The following ARID2 variants were observed in gnomAD, a reference collection of about 807,000 sequenced individuals.
The protein encoded by ARID2 is AT-rich interactive domain-containing protein 2.
A neutral mutation model predicts 184.6 loss-of-function variants in ARID2; 32 were observed. That is an observed-to-expected ratio of 0.17 (90% CI 0.13 to 0.23). The LOEUF (loss-of-function observed/expected upper bound fraction) is 0.23. ARID2 is among the 10% of genes least tolerant of loss of function. The pLI, the probability that ARID2 is intolerant of heterozygous loss-of-function variation, is 1.00. For synonymous variants in ARID2, 836 were observed against 772.6 expected (o/e 1.08, Z -1.36); for missense variants, 1,696 against 2,197.6 (o/e 0.77, Z 4.56).
At chr12:45,811,729 T>C (rs1330483294) in intron 4 of ARID2, among the ~76,000 whole-genome samples, 178 bp downstream of exon 4, 4 of 152,216 alleles carry the variant, frequency 2.6e-5, no homozygotes, top group Non-Finnish European at 5.9e-5. Context: ...CACAGGTTAC[T>C]TGAGAATTTT....
chr12:45,860,018 C>G (rs1483681790), intron 15 of ARID2, among the ~76,000 whole-genome samples: 9 of 152,194 alleles, frequency 5.9e-5, no homozygotes, highest in Admixed American at 5.9e-4. Flanking sequence ...AGGCATGAAC[C>G]ACCGTGCCCA....
intron 11 of ARID2, 130 bp downstream of exon 11, chr12:45,839,626 T>C: frequency 9.8e-7 from 1 of 1,018,396 alleles, no homozygotes. Flanking sequence ...GGAATTTGGA[T>C]ATGTACTCTA....
chr12:45,863,895 G>T (rs1414438609), intron 16 of ARID2, among the ~76,000 whole-genome samples: 1 of 141,576 alleles, frequency 7.1e-6, no homozygotes, highest in Non-Finnish European at 1.5e-5. Flanking sequence ...TGTCACCCAG[G>T]CTTCTATGCA....
chr12:45,834,543 G>A (rs568943602), intron 6 of ARID2, among the ~76,000 whole-genome samples: 1 of 152,112 alleles, frequency 6.6e-6, no homozygotes, highest in Non-Finnish European at 1.5e-5. Context: ...AGGACTTCAC[G>A]ACCAGCCTGA....
chr12:45,778,244 TC>T (rs554636147), intron 3 of ARID2, among the ~76,000 whole-genome samples: 19 of 150,472 alleles, frequency 1.3e-4, no homozygotes, highest in South Asian at 2.1e-4. Context: ...TTATATGTGT[TC>T]CCCCCCCAAC....
At chr12:45,842,351 ATG>A (rs1247589204) in intron 11 of ARID2, 2 of 151,810 alleles carry the variant, frequency 1.3e-5, no homozygotes, top group African/African-American at 2.4e-5. Context: ...ATATGTATAT[ATG>A]TGTATATATA....
rs929322845 is a variant in ARID2 at position 45,797,034 on chromosome 12, C to T, written c.285-14384C>T. 1.1e-4 allele frequency among the ~76,000 whole-genome samples: 17 copies of T among 152,188 alleles called. No individual in the cohort carries two copies. The East Asian group carries it at 1.2e-3, about 10-fold the overall frequency. ...TTTCACATTTTACATCTGTGTTTCTCGTGTGCATCAAATATTACTTTGTTT... is the reference window on the plus strand; with the variant it reads ...TTTCACATTTTACATCTGTGTTTCTTGTGTGCATCAAATATTACTTTGTTT... On this transcript the variant is annotated intron_variant, in intron 3 of 20. Transcript: ENST00000334344.
chr12:45,803,121 G>C (rs1309140842), intron 3 of ARID2, among the ~76,000 whole-genome samples: 3 of 152,036 alleles, frequency 2.0e-5, no homozygotes, highest in African/African-American at 7.2e-5. Flanking sequence ...TATCTTCCAT[G>C]TTAGAGCTTT....
At chr12:45,760,556 A>AT (rs1213429586) in intron 3 of ARID2, among the ~76,000 whole-genome samples, 2 of 151,536 alleles carry the variant, frequency 1.3e-5, no homozygotes, top group Non-Finnish European at 2.9e-5. Context: ...TTGCACACAG[A>AT]TTTTTAGTTG....
intron 10 of ARID2, among the ~76,000 whole-genome samples, chr12:45,838,780 G>T (rs569129485): frequency 6.6e-6 from 1 of 150,898 alleles, no homozygotes; most frequent in Non-Finnish European, 1.5e-5. Flanking sequence ...AAAATATATA[G>T]ATAGATAGAT....
rs2137962869 is a variant in ARID2 at position 45,731,273 on chromosome 12, T to C, written c.243T>C (p.Ser81=). ...EIVEEFNFPR[S]CSNAAFALKQ... ...TTGAAGAGTTCAACTTTCCCAGAAG[T>C]TGTTCTAACGCTGCCTTTGCTTTAA... Residue 81 remains serine, a synonymous_variant, in exon 3 of 21, where the codon AGT becomes AGC. Transcript: ENST00000334344. 1 of 1,614,096 alleles carries C rather than the reference T, an allele frequency of 6.2e-7. No individual in the cohort carries two copies. The highest frequency in any genetic ancestry group is 8.5e-7 in the Non-Finnish European group (1 of 1,179,976).
chr12:45,751,229 C>T (rs1206823858), intron 3 of ARID2, among the ~76,000 whole-genome samples: 1 of 152,080 alleles, frequency 6.6e-6, no homozygotes, highest in Non-Finnish European at 1.5e-5. Context: ...TGAATACAGA[C>T]TTAAAGGAGA....
intron 3 of ARID2, among the ~76,000 whole-genome samples, chr12:45,787,673 A>G (rs763348630): frequency 2.0e-5 from 3 of 152,148 alleles, no homozygotes; most frequent in Non-Finnish European, 2.9e-5. Flanking sequence ...TTAACTACCT[A>G]AACCTTATCT....
At chr12:45,902,591 GTGCAGTCTCGGCTCAC>G (rs887526652) in intron 20 of ARID2, among the ~76,000 whole-genome samples, 1 of 151,288 alleles carries the variant, frequency 6.6e-6, no homozygotes, top group African/African-American at 2.4e-5. Flanking sequence ...GAGTGTAGTG[GTGCAGTCTCGGCTCAC>G]TGCAACCTCT....
intron 15 of ARID2, among the ~76,000 whole-genome samples, chr12:45,853,508 G>A (rs1943593192): frequency 2.0e-5 from 3 of 152,006 alleles, no homozygotes; most frequent in Admixed American, 2.0e-4. Flanking sequence ...CCTTTTTAAT[G>A]CCTAAGATTC....
intron 3 of ARID2, among the ~76,000 whole-genome samples, chr12:45,767,374 A>G (rs1592063623): frequency 6.6e-6 from 1 of 152,148 alleles, no homozygotes; most frequent in African/African-American, 2.4e-5. Context: ...TTTAGTTTTT[A>G]TAAAGTTGTT....
intron 3 of ARID2, among the ~76,000 whole-genome samples, chr12:45,759,069 G>A (rs1234076014): frequency 6.6e-6 from 1 of 152,018 alleles, no homozygotes; most frequent in Non-Finnish European, 1.5e-5. Context: ...GAGGTATTTA[G>A]CAGGCTGTTA....
rs549174265 is a variant in ARID2, at chr12:45,907,040, C to T, written c.*1962C>T. ...TTTCTTCCTGAAGGAGGATCCCTGG[C>T]GCTGTCCTGCCATGTCTCAAAGGAA... On this transcript the variant is annotated 3_prime_UTR_variant, in exon 21 of 21. Transcript: ENST00000334344. The T allele has an allele frequency of 1.0e-3, 237 of 231,678 alleles. No homozygotes were observed. Among genetic ancestry groups the T allele is most frequent in the African/African-American group, 4.8e-3 (217 of 45,370 alleles). 14.4% of individuals were successfully genotyped at this position (231,678 alleles called of 1,614,324 possible).
chr12:45,740,040 A>G (rs2137976915), intron 3 of ARID2, among the ~76,000 whole-genome samples: 1 of 152,280 alleles, frequency 6.6e-6, no homozygotes, highest in East Asian at 1.9e-4. Flanking sequence ...GCTTAGAGTA[A>G]CTTGTACCTC....
Sources: allele counts gnomAD v4.1 joint callset (sites outside exome capture counted in the v4.1 genomes callset), GRCh38; gene constraint gnomAD v4.1.1; transcripts MANE v1.5; gene names NCBI Gene and HGNC (gene_info 2026-07-23, HGNC 2026-07-21).